AXIN2: variants seen among roughly 807,000 people sequenced by gnomAD.
AXIN2 encodes the protein axin-2.
Under a neutral mutation model 74.7 loss-of-function variants are expected in AXIN2, and 21 were observed. The ratio of observed to expected loss-of-function variants is 0.28; its 90% CI spans 0.20 to 0.40. AXIN2 has a LOEUF of 0.40. Ranked by LOEUF, AXIN2 falls within the 10% of genes least tolerant of loss-of-function variation. AXIN2 has a pLI of 1.00. For missense variants in AXIN2, 1,144 were observed against 1,111.1 expected (o/e 1.03, Z -0.42); for synonymous variants, 532 against 454.9 (o/e 1.17, Z -2.16).
chr17:65,554,110 T>C (rs1019428992), intron 2 of AXIN2, among the ~76,000 whole-genome samples: 6 of 151,758 alleles, frequency 4.0e-5, no homozygotes, highest in African/African-American at 1.5e-4. Flanking sequence ...TGTTTTCCCC[T>C]ATCCTGTTCT....
In AXIN2 at chr17:65,538,231, A is replaced by G. The variant is rs370821074; in HGVS notation, c.1172T>C (p.Leu391Pro). 1.9e-6 allele frequency: 3 copies of G among 1,614,216 alleles called. No individual in the cohort carries two copies. The highest frequency in any genetic ancestry group is 2.5e-6 in the Non-Finnish European group (3 of 1,180,022). ...LKLELESRHS[L>P]EERLQQIRED... ...TCGGATCTGCTGCAGGCGCTCCTCC[A>G]GGCTGTGGCGGCTCTCCAACTCCAG... The change falls in exon 5 of 11, where the codon CTG becomes CCG. Residue 391 changes from leucine to proline, a missense_variant. Leu to Pro is a moderately conservative substitution (Grantham distance 98, BLOSUM62 -3). Coordinates refer to ENST00000307078, the MANE Select transcript of AXIN2 (RefSeq NM_004655.4).
At position 65,536,584 on chromosome 17, in the gene AXIN2, A is replaced by G. The variant is rs750655097; in HGVS notation, c.1908-31T>C. 8 of 1,610,136 alleles carry G rather than the reference A, an allele frequency of 5.0e-6. No individual in the cohort carries two copies. The African/African-American group carries it at 1.1e-4, about 22-fold the overall frequency. ...CAAGGAATGAGCAGAGAGAAAACAGAAGGAAAGAAACTGGGTTAGAAGAAC... is the reference window on the plus strand; with the variant it reads ...CAAGGAATGAGCAGAGAGAAAACAGGAGGAAAGAAACTGGGTTAGAAGAAC... On this transcript the variant is annotated intron_variant, in intron 7 of 10. Coordinates refer to ENST00000307078, the MANE Select transcript of AXIN2 (RefSeq NM_004655.4).
At chr17:65,553,861 G>GGA (rs2044229478) in intron 2 of AXIN2, among the ~76,000 whole-genome samples, 8 of 112,474 alleles carry the variant, frequency 7.1e-5, no homozygotes, top group Non-Finnish European at 1.5e-4. Context: ...GGGGGGGGGA[G>GGA]GAAACTCAAA....
chr17:65,537,552 C>G lies in AXIN2; in HGVS notation c.1484G>C (p.Gly495Ala). The G allele has an allele frequency of 6.2e-7, 1 of 1,612,468 alleles. No individual in the cohort carries two copies. The highest frequency in any genetic ancestry group is 1.1e-5 in the South Asian group (1 of 91,042). Residue 495 changes from glycine (G) to alanine (A), a missense_variant, in exon 6 of 11, where the codon GGC (glycine) becomes GCC (alanine). By Grantham distance (60) the Gly-to-Ala change is moderately conservative. Around this residue, in one of 4 missense-constraint regions of AXIN2, gnomAD observed 1,053 missense variants for 973.5 expected, o/e 1.08. Transcript: ENST00000307078. ...GKLPPAAASP[G>A]ACPLLGGKGF... ...TTTGCCCCCGAGGAGGGGGCAGGCG[C>G]CCGGCGAGGCGGCCGCGGGAGGCAG...
Position 65,557,833 on chromosome 17 carries a change from G to T in AXIN2, c.788C>A (p.Ser263Tyr), listed in dbSNP as rs377293563. The change falls in exon 2 of 11, where the codon TCC becomes TAC. Residue 263 changes from serine to tyrosine, a missense_variant. Ser to Tyr is a moderately radical substitution (Grantham distance 144). Around this residue, in one of 4 missense-constraint regions of AXIN2, gnomAD observed 1,053 missense variants for 973.5 expected, o/e 1.08. Transcript: ENST00000307078. The stretch of plus-strand genomic sequence containing the variant: ...GTATCCACTGTCAACAGTTTCCGTG[G>T]ACCTCACACTCGCCGTGGCCCTCAG... The part of the protein sequence containing the change: ...KTLRATASVR[S>Y]TETVDSGYRS... 8 of 1,614,078 alleles carry T rather than the reference G, an allele frequency of 5.0e-6. No individual in the cohort carries two copies. The highest frequency in any genetic ancestry group is 1.6e-4 in the Middle Eastern group (1 of 6,084).
intron 2 of AXIN2, among the ~76,000 whole-genome samples, chr17:65,557,169 T>C (rs771633490): frequency 3.9e-5 from 6 of 152,190 alleles, no homozygotes. Context: ...CCTGGATTAA[T>C]ATGCCAGCAA....
At chr17:65,539,295 A>G (rs927907525) in intron 4 of AXIN2, among the ~76,000 whole-genome samples, 3 of 152,232 alleles carry the variant, frequency 2.0e-5, no homozygotes, top group Admixed American at 6.5e-5. Flanking sequence ...TGCAAAGGCT[A>G]GCATCTCCCC....
At chr17:65,532,160 G>A (rs1567751054) in intron 10 of AXIN2, among the ~76,000 whole-genome samples, 1 of 151,996 alleles carries the variant, frequency 6.6e-6, no homozygotes, top group Admixed American at 6.6e-5. Context: ...AAGTCTTTGT[G>A]CATTAAAGGG....
At position 65,529,821 on chromosome 17, in the gene AXIN2, G is replaced by A. The variant is rs8070717; in HGVS notation, c.*155C>T. ...GAATCATGAAAATCAACCTCCCCCC[G>A]CCCTCCCGAAGGCCCACTGGCCGAT... On this transcript the variant is annotated 3_prime_UTR_variant, in exon 11 of 11. Coordinates refer to ENST00000307078, the MANE Select transcript of AXIN2 (RefSeq NM_004655.4). The A allele has an allele frequency of 1.9e-3, 2,298 of 1,187,820 alleles. 36 individuals are homozygous for A. In the African/African-American group the frequency reaches 0.031, roughly 16 times the overall value. The allele number at this position is 1,187,820 out of a possible 1,614,324, so 73.6% of individuals were successfully genotyped here.
intron 4 of AXIN2, 26 bp from the exon 5 acceptor site, chr17:65,538,369 G>T: frequency 6.2e-7 from 1 of 1,613,694 alleles, no homozygotes; most frequent in East Asian, 2.2e-5. Flanking sequence ...AGGAAAGGGA[G>T]GAGGCACGTT....
chr17:65,550,470 T>A (rs536871809), intron 2 of AXIN2, among the ~76,000 whole-genome samples: 3 of 152,234 alleles, frequency 2.0e-5, no homozygotes, highest in South Asian at 4.1e-4. Context: ...GAACAACCAG[T>A]GTGCACATCT....
At chr17:65,534,420 G>A (rs1236137184) in intron 9 of AXIN2, among the ~76,000 whole-genome samples, 2 of 152,264 alleles carry the variant, frequency 1.3e-5, no homozygotes, top group Non-Finnish European at 2.9e-5. Context: ...TCAAGAAGAT[G>A]AGAGAAGAGA....
At chr17:65,541,971 G>T (rs2044050392) in intron 3 of AXIN2, among the ~76,000 whole-genome samples, 2 of 152,216 alleles carry the variant, frequency 1.3e-5, no homozygotes, top group Admixed American at 1.3e-4. Flanking sequence ...CCAGGAACCA[G>T]TGCCTTATGG....
At position 65,547,343 on chromosome 17, in the gene AXIN2, T is replaced by C. The variant is rs144290603; in HGVS notation, c.956+2177A>G. On this transcript the variant is annotated intron_variant, in intron 3 of 10. Coordinates refer to ENST00000307078, the MANE Select transcript of AXIN2 (RefSeq NM_004655.4). ...ACAGATCTCATGTTGAGAACGCTCATGCCTGGGGGAAGGGCAAAGCGGGCA... is the reference window on the plus strand; with the variant it reads ...ACAGATCTCATGTTGAGAACGCTCACGCCTGGGGGAAGGGCAAAGCGGGCA... Among the ~76,000 whole-genome samples, 532 of 152,316 alleles carry C rather than the reference T, an allele frequency of 3.5e-3. 5 individuals are homozygous for C. The highest frequency in any genetic ancestry group is 0.012 in the African/African-American group (514 of 41,574).
chr17:65,556,406 C>T (rs1045168652), intron 2 of AXIN2, among the ~76,000 whole-genome samples: 9 of 152,206 alleles, frequency 5.9e-5, no homozygotes, highest in African/African-American at 1.4e-4. Context: ...GACTGACCTA[C>T]TGCAGAGGCC....
rs766847390 is a variant in AXIN2 at position 65,538,183 on chromosome 17, G to T, written c.1200+20C>A. ...CTCACGCCGTGGACGGAAGCAGGAA[G>T]AAGGCCTAGGCCGCATTACCTCTCG... On this transcript the variant is annotated intron_variant, in intron 5 of 10. Transcript: ENST00000307078. The T allele has an allele frequency of 6.2e-7, 1 of 1,614,162 alleles. No individual in the cohort carries two copies. The highest frequency in any genetic ancestry group is 8.5e-7 in the Non-Finnish European group (1 of 1,180,044).
At position 65,557,845 on chromosome 17, in the gene AXIN2, G is replaced by A. The variant is rs1239640498; in HGVS notation, c.776C>T (p.Ala259Val). 3 of 1,614,008 alleles carry A rather than the reference G, an allele frequency of 1.9e-6. No individual in the cohort carries two copies. The highest frequency in any genetic ancestry group is 4.5e-5 in the East Asian group (2 of 44,886). Residue 259 changes from alanine (A) to valine (V), a missense_variant, in exon 2 of 11, where the codon GCG becomes GTG. Coordinates refer to ENST00000307078, the MANE Select transcript of AXIN2 (RefSeq NM_004655.4). Reference protein sequence around the residue: ...GLSSKTLRATASVRSTETVDS... With the variant: ...GLSSKTLRATVSVRSTETVDS... ...AACAGTTTCCGTGGACCTCACACTC[G>A]CCGTGGCCCTCAGAGTTTTGCTGGA...
intron 1 of AXIN2, among the ~76,000 whole-genome samples, chr17:65,559,178 G>C (rs1270039136): frequency 3.3e-5 from 5 of 152,128 alleles, no homozygotes; most frequent in African/African-American, 1.2e-4. Flanking sequence ...CTGTGTGCAG[G>C]TGAAACCAAT....
intron 2 of AXIN2, among the ~76,000 whole-genome samples, chr17:65,556,825 A>T (rs1160421160): frequency 6.6e-6 from 1 of 152,218 alleles, no homozygotes; most frequent in Non-Finnish European, 1.5e-5. Context: ...ACAGAGAGCA[A>T]GATAAATCAT....
Sources: allele counts gnomAD v4.1 joint callset (sites outside exome capture counted in the v4.1 genomes callset), GRCh38; gene constraint gnomAD v4.1.1; regional missense constraint gnomAD v4.1.1; transcripts MANE v1.5; gene names NCBI Gene and HGNC (gene_info 2026-07-23, HGNC 2026-07-21).